TRHDE: variants seen among roughly 807,000 people sequenced by gnomAD.
The protein encoded by TRHDE is thyrotropin-releasing hormone-degrading ectoenzyme.
Under a neutral mutation model 125.7 loss-of-function variants are expected in TRHDE, and 72 were observed. The ratio of observed to expected loss-of-function variants is 0.57; its 90% confidence interval spans 0.47 to 0.70. The LOEUF (loss-of-function observed/expected upper bound fraction) is 0.70. Among genes scored for constraint, TRHDE ranks in the 30% least tolerant of loss-of-function variants. TRHDE has a pLI of 0.00. For missense variants in TRHDE, 1,110 were observed against 1,327.1 expected (o/e 0.84, Z 2.54); for synonymous variants, 509 against 509.1 (o/e 1.00, Z 0.00).
intron 2 of TRHDE, among the ~76,000 whole-genome samples, chr12:72,109,255 T>A (rs1294569951): frequency 6.6e-6 from 1 of 152,048 alleles, no homozygotes; most frequent in Non-Finnish European, 1.5e-5. Flanking sequence ...ATATATCCTG[T>A]TACGTCTAAA....
intron 12 of TRHDE, among the ~76,000 whole-genome samples, chr12:72,584,254 T>C (rs1022844838): frequency 7.2e-5 from 11 of 152,178 alleles, no homozygotes; most frequent in African/African-American, 2.4e-4. Context: ...CATTATTCTG[T>C]AGGTTTGGTC....
intron 2 of TRHDE, among the ~76,000 whole-genome samples, chr12:72,259,978 A>T (rs1289543278): frequency 6.6e-6 from 1 of 152,232 alleles, no homozygotes; most frequent in Non-Finnish European, 1.5e-5. Flanking sequence ...GAGTTATAGC[A>T]TGTGAGTATT....
intron 5 of TRHDE, among the ~76,000 whole-genome samples, chr12:72,479,642 T>G (rs1414856775): frequency 1.1e-5 from 1 of 94,634 alleles, no homozygotes; most frequent in African/African-American, 4.0e-5. Flanking sequence ...AAAGGATTTT[T>G]TTTTGTTTTT....
intron 2 of TRHDE, among the ~76,000 whole-genome samples, chr12:72,364,558 C>T (rs536856196): frequency 6.6e-6 from 1 of 152,106 alleles, no homozygotes; most frequent in South Asian, 2.1e-4. Flanking sequence ...CACAGAGTAG[C>T]CTCTCAATAA....
chr12:72,569,046 G>A (rs1336007755), intron 10 of TRHDE, among the ~76,000 whole-genome samples: 3 of 152,006 alleles, frequency 2.0e-5, no homozygotes, highest in South Asian at 2.1e-4. Flanking sequence ...TTACCAGACT[G>A]TCTCTTTAAA....
chr12:72,141,367 GAGACCCC>G (rs1230059347), intron 2 of TRHDE, among the ~76,000 whole-genome samples: 6 of 152,178 alleles, frequency 3.9e-5, no homozygotes, highest in Non-Finnish European at 8.8e-5. Flanking sequence ...CTCATGCTAT[GAGACCCC>G]AGTTTTTCAC....
chr12:72,135,015 A>G (rs1875948883), intron 2 of TRHDE, among the ~76,000 whole-genome samples: 1 of 152,084 alleles, frequency 6.6e-6, no homozygotes, highest in Admixed American at 6.6e-5. Context: ...TAGTCATCAC[A>G]ATATGCAAAA....
chr12:72,564,366 G>T (rs1870331030), intron 9 of TRHDE, among the ~76,000 whole-genome samples: 1 of 152,156 alleles, frequency 6.6e-6, no homozygotes, highest in Admixed American at 6.5e-5. Flanking sequence ...TTGCCAGGAA[G>T]TACATAAAAA....
chr12:72,391,574 A>G (rs746793746), intron 3 of TRHDE, among the ~76,000 whole-genome samples: 8 of 152,186 alleles, frequency 5.3e-5, no homozygotes, highest in Non-Finnish European at 1.2e-4. Context: ...TCAGCAGCAT[A>G]GAATAGGATG....
chr12:72,246,198 G>A (rs570014146), intron 2 of TRHDE, among the ~76,000 whole-genome samples: 2 of 152,120 alleles, frequency 1.3e-5, no homozygotes, highest in East Asian at 3.9e-4. Flanking sequence ...GCCATATTAT[G>A]TTCAGATAAC....
intron 3 of TRHDE, among the ~76,000 whole-genome samples, chr12:72,423,478 G>A (rs992750943): frequency 2.6e-5 from 4 of 151,986 alleles, no homozygotes; most frequent in Non-Finnish European, 5.9e-5. Context: ...CACTCATAAC[G>A]CAGCAAGAGA....
intron 7 of TRHDE, among the ~76,000 whole-genome samples, chr12:72,559,846 T>A (rs1870093635): frequency 6.6e-6 from 1 of 152,158 alleles, no homozygotes; most frequent in Non-Finnish European, 1.5e-5. Flanking sequence ...GTGGTTATTA[T>A]ACCAAGACTT....
At chr12:72,653,567 T>C (rs561822685) in intron 17 of TRHDE, among the ~76,000 whole-genome samples, 5 of 152,218 alleles carry the variant, frequency 3.3e-5, no homozygotes, top group Non-Finnish European at 5.9e-5. Context: ...TCTTTAAATA[T>C]AAATATCTTA....
At chr12:72,355,298 A>G (rs918108965) in intron 2 of TRHDE, among the ~76,000 whole-genome samples, 3 of 151,568 alleles carry the variant, frequency 2.0e-5, no homozygotes, top group Non-Finnish European at 3.0e-5. Context: ...GGAGAGTTGT[A>G]GTTAGAGAAG....
chr12:72,508,177 C>T (rs1476632483), intron 6 of TRHDE, among the ~76,000 whole-genome samples: 7 of 152,112 alleles, frequency 4.6e-5, no homozygotes, highest in Admixed American at 1.3e-4. Flanking sequence ...GGTTAGAGCC[C>T]CCACACAGAA....
At chr12:72,430,322 T>G (rs917390475) in intron 3 of TRHDE, among the ~76,000 whole-genome samples, 3 of 143,956 alleles carry the variant, frequency 2.1e-5, no homozygotes, top group African/African-American at 7.7e-5. Context: ...TATATACATG[T>G]ATACATATAT....
At chr12:72,222,231 G>T (rs144013826) in intron 2 of TRHDE, among the ~76,000 whole-genome samples, 1 of 152,126 alleles carries the variant, frequency 6.6e-6, no homozygotes, top group Non-Finnish European at 1.5e-5. Context: ...TGATGGAAGG[G>T]TTGTCAATAT....
intron 2 of TRHDE, chr12:72,137,621 T>C (rs1169537934): frequency 6.6e-6 from 1 of 152,204 alleles, no homozygotes; most frequent in Admixed American, 6.5e-5. Context: ...GGTGAGATCA[T>C]ATCTTGAAAT....
intron 1 of TRHDE, among the ~76,000 whole-genome samples, chr12:72,101,584 A>G (rs1359102355): frequency 1.3e-5 from 2 of 152,200 alleles, no homozygotes. Context: ...GTATCTTTCC[A>G]TCTGAAATCT....
Sources: gnomAD v4.1 joint callset for allele counts (sites outside exome capture counted in the v4.1 genomes callset) on GRCh38, gnomAD v4.1.1 for gene constraint, MANE v1.5 for transcripts, NCBI Gene and HGNC (gene_info 2026-07-23, HGNC 2026-07-21) for gene names.